Variants in BLNK observed in about 807,000 individuals in gnomAD.
The protein encoded by BLNK is B-cell linker protein.
Under a neutral mutation model 73.5 loss-of-function variants are expected in BLNK, and 29 were observed. The ratio of observed to expected loss-of-function variants is 0.39; its 90% CI spans 0.29 to 0.54. The LOEUF is 0.54. Among genes scored for constraint, BLNK ranks in the 20% least tolerant of loss-of-function variants. BLNK has a pLI of 0.61. For missense variants in BLNK, 460 were observed against 562.8 expected, an observed-to-expected ratio of 0.82 and a Z score of 1.85; for synonymous variants, 176 against 200.8, an observed-to-expected ratio of 0.88 and a Z score of 1.04.
rs782231780 is a variant in BLNK, at chr10:96,204,589, C to T, written c.845G>A (p.Arg282Gln). 1.9e-5 allele frequency: 31 copies of T among 1,613,918 alleles called. No individual in the cohort carries two copies. The highest frequency in any genetic ancestry group is 5.3e-5 in the African/African-American group (4 of 74,924). ...AGCTTCTTGTCTGTGACTTGACCCT[C>T]GGTGGCGTTCAGCAGGTATAGGTTT... is the stretch of plus-strand genomic sequence containing the variant. Reference protein sequence around the residue: ...EEKPIPAERHRGSSHRQEAVQ... With the variant: ...EEKPIPAERHQGSSHRQEAVQ... The change falls in exon 12 of 17, where the codon CGA (arginine) becomes CAA (glutamine). Residue 282 changes from arginine to glutamine, a missense_variant. By Grantham distance (43) the Arg-to-Gln change is conservative (BLOSUM62 1). Around this residue, in one of 3 missense-constraint regions of BLNK, gnomAD observed 233 missense variants for 232.1 expected, o/e 1.00. Transcript: ENST00000224337.
Position 96,223,898 on chromosome 10 carries a change from G to A in BLNK, c.453C>T (p.Ser151=), listed in dbSNP as rs201254902. 4.3e-6 allele frequency: 7 copies of A among 1,613,846 alleles called. No homozygotes were observed. The highest frequency in any genetic ancestry group is 5.9e-6 in the Non-Finnish European group (7 of 1,180,038). Residue 151 remains serine (S), a synonymous_variant, in exon 6 of 17, where the codon TCC becomes TCT. Transcript: ENST00000224337. ...SWPSEKARLT[S]TLPALTALQK... is the part of the protein sequence containing the mutation. ...GCAAAGCAGTCAGGGCCGGCAGGGT[G>A]GAGGTGAGCCTTGCTTTCTCTGAAG...
At chr10:96,265,831 C>T (rs1289052458) in intron 1 of BLNK, among the ~76,000 whole-genome samples, 1 of 152,184 alleles carries the variant, frequency 6.6e-6, no homozygotes, top group African/African-American at 2.4e-5. Flanking sequence ...CCAGATGATT[C>T]TTTGTTGTGG....
At chr10:96,233,569 G>T (rs115469378) in intron 3 of BLNK, among the ~76,000 whole-genome samples, 2 of 152,032 alleles carry the variant, frequency 1.3e-5, no homozygotes, top group African/African-American at 4.8e-5. Context: ...TCCTCCTCCC[G>T]TTGTGCACTT....
At chr10:96,213,164 C>G (rs935690739) in intron 8 of BLNK, among the ~76,000 whole-genome samples, 1 of 152,150 alleles carries the variant, frequency 6.6e-6, no homozygotes, top group African/African-American at 2.4e-5. Context: ...CCAACTGACC[C>G]CTCCACAGTC....
intron 1 of BLNK, among the ~76,000 whole-genome samples, chr10:96,256,580 C>T (rs1843521973): frequency 6.6e-6 from 1 of 151,322 alleles, no homozygotes; most frequent in African/African-American, 2.4e-5. Flanking sequence ...TGAAAACTGA[C>T]AATAAGAAAA....
At chr10:96,217,980 G>C (rs940933475) in intron 6 of BLNK, among the ~76,000 whole-genome samples, 2 of 152,132 alleles carry the variant, frequency 1.3e-5, no homozygotes, top group Admixed American at 1.3e-4. Context: ...TGTGTATGGT[G>C]CGAGATTAGA....
intron 1 of BLNK, among the ~76,000 whole-genome samples, chr10:96,269,235 T>C (rs1292588255): frequency 1.3e-5 from 2 of 152,168 alleles, no homozygotes; most frequent in Non-Finnish European, 2.9e-5. Flanking sequence ...TAATTTTGGT[T>C]TTCTATCCCA....
Position 96,190,685 on chromosome 10 carries a change from G to C in BLNK, c.*1288C>G, listed in dbSNP as rs1043688453. ...GATTGCTATCTTATGCAGTGGCCAA[G>C]TGTGTTCCCCATTTAATTATTAGAC... On this transcript the variant is annotated 3_prime_UTR_variant, in exon 17 of 17. Transcript: ENST00000224337. 6.6e-6 allele frequency among the ~76,000 whole-genome samples: 1 copy of C among 152,208 alleles called. No homozygotes were observed.
chr10:96,202,851 T>C (rs1476275214), intron 13 of BLNK, among the ~76,000 whole-genome samples: 4 of 152,200 alleles, frequency 2.6e-5, no homozygotes, highest in African/African-American at 9.6e-5. Flanking sequence ...GTTTTCAACA[T>C]GCGTGCATCT....
At chr10:96,213,752 T>C (rs2084000228) in intron 8 of BLNK, among the ~76,000 whole-genome samples, 1 of 152,208 alleles carries the variant, frequency 6.6e-6, no homozygotes, top group African/African-American at 2.4e-5. Context: ...TGTTAAAGGT[T>C]TTCTATTCCA....
chr10:96,247,182 T>C (rs201441692), intron 1 of BLNK, 133 bp from the exon 2 acceptor site: 5 of 609,312 alleles, frequency 8.2e-6, no homozygotes, highest in Non-Finnish European at 1.4e-5. Flanking sequence ...ATGAATTATA[T>C]TGTATTTAAT....
rs1292464677 is a variant in BLNK, at chr10:96,223,904, G to A, written c.447C>T (p.Leu149=). ...CAGTCAGGGCCGGCAGGGTGGAGGT[G>A]AGCCTTGCTTTCTCTGAAGGCCAGC... The part of the protein sequence containing the change: ...KPSWPSEKAR[L]TSTLPALTAL... The change falls in exon 6 of 17, where the codon CTC becomes CTT. Residue 149 remains leucine (L), a synonymous_variant. Transcript: ENST00000224337. The A allele has an allele frequency of 5.6e-6, 9 of 1,613,668 alleles. No homozygotes were observed. Among genetic ancestry groups the A allele is most frequent in the Non-Finnish European group, 5.9e-6 (7 of 1,180,026 alleles).
intron 6 of BLNK, among the ~76,000 whole-genome samples, chr10:96,217,742 A>G (rs587691089): frequency 2.8e-4 from 42 of 152,254 alleles, no homozygotes; most frequent in Middle Eastern, 3.4e-3. Context: ...CTTTTCTTCC[A>G]TTCTGTAGGT....
At chr10:96,204,191 A>G (rs2083734631) in intron 12 of BLNK, 103 bp from the exon 13 acceptor site, 1 of 1,215,598 alleles carries the variant, frequency 8.2e-7, no homozygotes, top group Non-Finnish European at 1.2e-6. Context: ...ATCACAAATA[A>G]ATCAATACAA....
chr10:96,246,854 T>TAAAGATTCC, intron 2 of BLNK, 130 bp downstream of exon 2: 1 of 650,218 alleles, frequency 1.5e-6, no homozygotes, highest in African/African-American at 1.8e-5. Flanking sequence ...TTCCAGCCAA[T>TAAAGATTCC]AGTAAAGAAG....
At chr10:96,202,415 A>AT (rs1324537735) in intron 13 of BLNK, among the ~76,000 whole-genome samples, 1 of 152,200 alleles carries the variant, frequency 6.6e-6, no homozygotes, top group Non-Finnish European at 1.5e-5. Context: ...TTCTGGATCT[A>AT]TTTTGAAGGA....
At chr10:96,228,054 T>C (rs1173354523) in intron 4 of BLNK, among the ~76,000 whole-genome samples, 16 of 151,048 alleles carry the variant, frequency 1.1e-4, no homozygotes, top group African/African-American at 3.9e-4. Context: ...AGCTGCAGGG[T>C]CAAGGCTTCA....
chr10:96,253,890 G>A (rs1485068441), intron 1 of BLNK, among the ~76,000 whole-genome samples: 7 of 151,902 alleles, frequency 4.6e-5, no homozygotes, highest in African/African-American at 7.3e-5. Flanking sequence ...GCATGGTGGC[G>A]GGCGCCTGTA....
chr10:96,229,879 A>G (rs1465459142), intron 4 of BLNK, among the ~76,000 whole-genome samples: 1 of 152,140 alleles, frequency 6.6e-6, no homozygotes, highest in Non-Finnish European at 1.5e-5. Flanking sequence ...GACTCTGTAT[A>G]AACTCCAGGT....
Sources: gnomAD v4.1 joint callset for allele counts (sites outside exome capture counted in the v4.1 genomes callset) on GRCh38, gnomAD v4.1.1 for gene constraint, gnomAD v4.1.1 regional missense constraint, MANE v1.5 for transcripts, NCBI Gene and HGNC (gene_info 2026-07-23, HGNC 2026-07-21) for gene names.